Variants in SMPD3 observed in about 807,000 individuals in gnomAD.
The protein encoded by SMPD3 is sphingomyelin phosphodiesterase 3.
SMPD3 carries 21 observed loss-of-function variants against 55.7 expected under a neutral mutation model. The ratio of observed to expected loss-of-function variants is 0.38; its 90% CI spans 0.27 to 0.54. SMPD3 has a LOEUF of 0.54. Among genes scored for constraint, SMPD3 ranks in the 20% least tolerant of loss-of-function variants. The probability of loss-of-function intolerance (pLI) is 0.80; values close to 1 mark genes in which losing one functional copy is unlikely to be tolerated. For missense variants in SMPD3, 842 were observed against 899.6 expected (o/e 0.94, Z 0.82); for synonymous variants, 457 against 404.3 (o/e 1.13, Z -1.56).
At chr16:68,409,283 A>G (rs912920214) in intron 1 of SMPD3, among the ~76,000 whole-genome samples, 3 of 152,058 alleles carry the variant, frequency 2.0e-5, no homozygotes, top group African/African-American at 7.2e-5. Flanking sequence ...CTGAGAGGTG[A>G]GGGATGTGGG....
chr16:68,420,240 G>A (rs2090381036), intron 1 of SMPD3, among the ~76,000 whole-genome samples: 1 of 152,066 alleles, frequency 6.6e-6, no homozygotes, highest in Non-Finnish European at 1.5e-5. Context: ...ACCATGCCCG[G>A]CCATTATTCT....
intron 1 of SMPD3, among the ~76,000 whole-genome samples, chr16:68,412,469 G>C (rs2056559261): frequency 6.6e-6 from 1 of 152,168 alleles, no homozygotes; most frequent in South Asian, 2.1e-4. Flanking sequence ...GTGAATCCAG[G>C]AGTAAGTAGA....
At chr16:68,406,504 A>T (rs2090255688) in intron 1 of SMPD3, among the ~76,000 whole-genome samples, 1 of 152,204 alleles carries the variant, frequency 6.6e-6, no homozygotes, top group Non-Finnish European at 1.5e-5. Context: ...GAAGGCCAGG[A>T]TGGTGCCTGG....
intron 3 of SMPD3, among the ~76,000 whole-genome samples, chr16:68,367,043 C>T (rs1482044596): frequency 6.6e-6 from 1 of 151,244 alleles, no homozygotes. Context: ...GTGTGCATGC[C>T]TGTAACCCCA....
At chr16:68,431,976 G>A (rs1468220396) in intron 1 of SMPD3, among the ~76,000 whole-genome samples, 2 of 151,770 alleles carry the variant, frequency 1.3e-5, no homozygotes, top group Non-Finnish European at 2.9e-5. Context: ...TTAGCTGGGT[G>A]TGGTGGTGCG....
At chr16:68,424,796 C>T (rs558369484) in intron 1 of SMPD3, among the ~76,000 whole-genome samples, 20 of 152,282 alleles carry the variant, frequency 1.3e-4, no homozygotes, top group Admixed American at 6.5e-4. Flanking sequence ...CTGCAACCTC[C>T]GCCTCCTGGG....
rs201108685 is a variant in SMPD3 at position 68,372,084 on chromosome 16, C to T, written c.98G>A (p.Arg33Gln). The change falls in exon 3 of 9, where the codon CGG becomes CAG. Residue 33 changes from arginine to glutamine, a missense_variant. Coordinates refer to ENST00000219334, the MANE Select transcript of SMPD3 (RefSeq NM_018667.4). ...GGTGGGTATGAAGGAGGCAGCGAGC[C>T]GGTCCACCAGCCAGTAGCATGGAAA... ...LIFPCYWLVD[R>Q]LAASFIPTTY... 6.1e-5 allele frequency: 98 copies of T among 1,610,016 alleles called. No individual in the cohort carries two copies. In the Middle Eastern group the frequency reaches 6.6e-4, roughly 11 times the overall value.
chr16:68,436,062 G>A (rs2090520840), intron 1 of SMPD3, among the ~76,000 whole-genome samples: 1 of 152,120 alleles, frequency 6.6e-6, no homozygotes, highest in Admixed American at 6.5e-5. Context: ...TCAGGGCAAG[G>A]ACAATCTCAG....
rs191659275 is a variant in SMPD3, at chr16:68,365,340, G to C, written c.1324-248C>G. Among the ~76,000 whole-genome samples, 5 of 152,274 alleles carry C rather than the reference G, an allele frequency of 3.3e-5. No homozygotes were observed. In the South Asian group the frequency reaches 6.2e-4, roughly 19 times the overall value. ...GAGTGCTGGCGGCCATCTGTGCAAA[G>C]CATGGGGGAAGTGCCGAACCGCAGC... is the stretch of plus-strand genomic sequence containing the variant. On this transcript the variant is annotated intron_variant, in intron 3 of 8. Transcript: ENST00000219334.
At chr16:68,420,202 C>T (rs1023273929) in intron 1 of SMPD3, among the ~76,000 whole-genome samples, 11 of 152,096 alleles carry the variant, frequency 7.2e-5, no homozygotes, top group Non-Finnish European at 1.2e-4. Flanking sequence ...CTCAGCCTCC[C>T]AAAGTGCTGG....
intron 1 of SMPD3, among the ~76,000 whole-genome samples, chr16:68,401,543 A>C (rs2090206023): frequency 6.6e-6 from 1 of 151,998 alleles, no homozygotes; most frequent in Non-Finnish European, 1.5e-5. Flanking sequence ...AGCATGCTTT[A>C]GAGTCAGGGT....
chr16:68,426,991 CT>C (rs56214206), intron 1 of SMPD3, among the ~76,000 whole-genome samples: 5,169 of 112,112 alleles, frequency 0.046, 57 homozygotes, highest in South Asian at 0.08. Context: ...TCAGGTCTAT[CT>C]TTTTTTTTTT....
chr16:68,423,455 G>A (rs1000425169), intron 1 of SMPD3, among the ~76,000 whole-genome samples: 3 of 152,112 alleles, frequency 2.0e-5, no homozygotes, highest in Non-Finnish European at 4.4e-5. Context: ...GAGGAAGAGA[G>A]ATCTGAGCTG....
chr16:68,361,550 CG>C, intron 8 of SMPD3, 52 bp downstream of exon 8: 1 of 1,592,866 alleles, frequency 6.3e-7, no homozygotes, highest in Non-Finnish European at 8.5e-7. Context: ...CTGCAGGGCC[CG>C]GGCCCTGCTC....
At chr16:68,378,253 T>C (rs2089868215) in intron 2 of SMPD3, among the ~76,000 whole-genome samples, 1 of 152,184 alleles carries the variant, frequency 6.6e-6, no homozygotes, top group Admixed American at 6.5e-5. Flanking sequence ...GGCCGGGCCA[T>C]TTCTGCCTGG....
At chr16:68,361,427 C>G in intron 8 of SMPD3, 120 bp from the exon 9 acceptor site, 1 of 1,362,202 alleles carries the variant, frequency 7.3e-7, no homozygotes, top group Non-Finnish European at 1.0e-6. Flanking sequence ...GACCTTCCTG[C>G]AGTCAGAGGG....
intron 2 of SMPD3, among the ~76,000 whole-genome samples, chr16:68,373,670 A>T (rs2089734436): frequency 6.6e-6 from 1 of 152,114 alleles, no homozygotes; most frequent in South Asian, 2.1e-4. Context: ...GACCCCCTGC[A>T]CCGGCCTGGG....
At chr16:68,439,302 T>G (rs2090548484) in intron 1 of SMPD3, among the ~76,000 whole-genome samples, 1 of 152,176 alleles carries the variant, frequency 6.6e-6, no homozygotes, top group Non-Finnish European at 1.5e-5. Flanking sequence ...CCCCGTTCCT[T>G]GGTTCACTCT....
chr16:68,444,196 G>C (rs2090590782), intron 1 of SMPD3, among the ~76,000 whole-genome samples: 1 of 152,166 alleles, frequency 6.6e-6, no homozygotes, highest in African/African-American at 2.4e-5. Flanking sequence ...CTTGCTTCTG[G>C]TCCACACCCA....
Sources: gnomAD v4.1 joint callset for allele counts (sites outside exome capture counted in the v4.1 genomes callset) on GRCh38, gnomAD v4.1.1 for gene constraint, MANE v1.5 for transcripts, NCBI Gene and HGNC (gene_info 2026-07-23, HGNC 2026-07-21) for gene names.